Variants in SCMH1 observed in about 807,000 individuals in gnomAD.
SCMH1 encodes polycomb protein SCMH1.
In SCMH1, 37 loss-of-function variants were observed where a neutral mutation model predicts 70.8. The ratio of observed to expected loss-of-function variants is 0.52; its 90% CI spans 0.40 to 0.69. SCMH1 has a LOEUF of 0.69. Ranked by LOEUF, SCMH1 falls within the 30% of genes least tolerant of loss-of-function variation. The pLI is 0.00. For missense variants in SCMH1, 607 were observed against 827.3 expected (o/e 0.73, Z 3.27); for synonymous variants, 292 against 307.4 (o/e 0.95, Z 0.52).
At chr1:41,211,995 A>T (rs189886551) in intron 1 of SCMH1, among the ~76,000 whole-genome samples, 2 of 152,312 alleles carry the variant, frequency 1.3e-5, no homozygotes, top group Non-Finnish European at 2.9e-5. Flanking sequence ...GGCGGGGAAC[A>T]TGACACACCA....
chr1:41,097,503 C>G (rs1437961275), intron 8 of SCMH1, among the ~76,000 whole-genome samples: 1 of 152,174 alleles, frequency 6.6e-6, no homozygotes, highest in Non-Finnish European at 1.5e-5. Context: ...GGGTGTCACT[C>G]TGTCACCCAG....
chr1:41,114,665 C>T (rs1268861756), intron 7 of SCMH1, among the ~76,000 whole-genome samples: 3 of 150,600 alleles, frequency 2.0e-5, no homozygotes, highest in Non-Finnish European at 4.4e-5. Context: ...TTTCCTTTCT[C>T]TCTCTCTCTC....
intron 5 of SCMH1, among the ~76,000 whole-genome samples, chr1:41,146,545 AT>A (rs111892459): frequency 0.047 from 6,836 of 146,968 alleles, 210 homozygotes; most frequent in Non-Finnish European, 0.068. Context: ...TTTATACCAT[AT>A]TTTTTTTTTT....
intron 1 of SCMH1, among the ~76,000 whole-genome samples, chr1:41,228,477 A>C (rs1660681677): frequency 2.0e-5 from 3 of 152,178 alleles, no homozygotes; most frequent in Non-Finnish European, 2.9e-5. Context: ...TAAGACCAGC[A>C]GGAAGCATAT....
intron 5 of SCMH1, among the ~76,000 whole-genome samples, chr1:41,149,684 G>T (rs1180551125): frequency 6.6e-6 from 1 of 152,094 alleles, no homozygotes; most frequent in Admixed American, 6.5e-5. Flanking sequence ...GATTTGTCAG[G>T]CCGGACTGAA....
At chr1:41,169,159 C>T (rs1028457161) in intron 2 of SCMH1, among the ~76,000 whole-genome samples, 1 of 152,220 alleles carries the variant, frequency 6.6e-6, no homozygotes, top group African/African-American at 2.4e-5. Flanking sequence ...CAAAGCTCCA[C>T]TGACTCCCAA....
chr1:41,211,966 T>G (rs1247066807), intron 1 of SCMH1, among the ~76,000 whole-genome samples: 1 of 151,928 alleles, frequency 6.6e-6, no homozygotes, highest in Non-Finnish European at 1.5e-5. Context: ...AACTGAACAA[T>G]GAGAACACTT....
chr1:41,153,030 T>C (rs1222226407), intron 4 of SCMH1, among the ~76,000 whole-genome samples: 2 of 152,236 alleles, frequency 1.3e-5, no homozygotes, highest in Non-Finnish European at 2.9e-5. Context: ...AATGAAGAGT[T>C]TGCTTCTAGT....
intron 1 of SCMH1, among the ~76,000 whole-genome samples, chr1:41,239,045 C>T (rs1189663966): frequency 1.3e-5 from 2 of 152,040 alleles, no homozygotes; most frequent in East Asian, 3.8e-4. Context: ...TCTCTTCATC[C>T]CTATGACCAC....
intron 2 of SCMH1, among the ~76,000 whole-genome samples, chr1:41,162,446 C>T (rs1482236370): frequency 9.9e-5 from 15 of 152,124 alleles, no homozygotes; most frequent in Admixed American, 9.2e-4. Flanking sequence ...CTTGTGGTGC[C>T]TTTTCCAGGC....
chr1:41,241,269 T>C (rs974800404), intron 1 of SCMH1, among the ~76,000 whole-genome samples: 3 of 152,344 alleles, frequency 2.0e-5, no homozygotes, highest in Non-Finnish European at 4.4e-5. Context: ...TCAGGAGATA[T>C]TCCGGGGTTC....
chr1:41,057,958 T>G (rs181230370), intron 10 of SCMH1, among the ~76,000 whole-genome samples: 1 of 151,868 alleles, frequency 6.6e-6, no homozygotes, highest in African/African-American at 2.4e-5. Flanking sequence ...TTGTCTCTAC[T>G]AAAATTACAA....
chr1:41,101,985 T>C (rs965194196), intron 8 of SCMH1, among the ~76,000 whole-genome samples: 2 of 152,214 alleles, frequency 1.3e-5, no homozygotes, highest in African/African-American at 4.8e-5. Flanking sequence ...GAACTAAACA[T>C]GCCTAGTTAT....
intron 6 of SCMH1, among the ~76,000 whole-genome samples, chr1:41,124,590 C>CTTAT (rs138729350): frequency 0.019 from 2,785 of 148,860 alleles, 29 homozygotes; most frequent in Non-Finnish European, 0.029. Flanking sequence ...TGCTGAAGAG[C>CTTAT]TTATTTATTT....
intron 1 of SCMH1, among the ~76,000 whole-genome samples, chr1:41,209,961 C>G (rs529316652): frequency 6.6e-6 from 1 of 152,210 alleles, no homozygotes. Context: ...ATTTAGAAAA[C>G]CCCATCGTCT....
chr1:41,080,790 T>TA (rs781608559), intron 8 of SCMH1, among the ~76,000 whole-genome samples: 10 of 152,242 alleles, frequency 6.6e-5, no homozygotes, highest in Middle Eastern at 3.5e-3. Flanking sequence ...AACGCATCTA[T>TA]AAAAAACCTA....
At chr1:41,114,852 A>AT (rs1298550670) in intron 7 of SCMH1, among the ~76,000 whole-genome samples, 6 of 151,688 alleles carry the variant, frequency 4.0e-5, no homozygotes, top group Admixed American at 2.6e-4. Flanking sequence ...AATTTTTGTT[A>AT]TTTTTTGTAG....
At chr1:41,159,903 T>G (rs1349429716) in intron 4 of SCMH1, 25 of 1,036,066 alleles carry the variant, frequency 2.4e-5, no homozygotes, top group Middle Eastern at 6.9e-4. Flanking sequence ...TGTTTTCACA[T>G]CCATTAGCTC....
chr1:41,163,826 G>GA (rs940161581), intron 2 of SCMH1, among the ~76,000 whole-genome samples: 5 of 152,004 alleles, frequency 3.3e-5, no homozygotes, highest in African/African-American at 1.2e-4. Context: ...ATTATCATTA[G>GA]AAAAAAACAT....
Sources: allele counts gnomAD v4.1 joint callset (sites outside exome capture counted in the v4.1 genomes callset), GRCh38; gene constraint gnomAD v4.1.1; transcripts MANE v1.5; gene names NCBI Gene and HGNC (gene_info 2026-07-23, HGNC 2026-07-21).